KCNN2: variants seen among roughly 807,000 people sequenced by gnomAD.
The protein encoded by KCNN2 is potassium calcium-activated channel subfamily N member 2, also known as small conductance calcium-activated potassium channel protein 2.
KCNN2 carries 24 observed loss-of-function variants against 55.5 expected under a neutral mutation model. The observed-to-expected ratio is 0.43, with a 90% CI of 0.31 to 0.61. KCNN2 has a LOEUF of 0.61. Ranked by LOEUF, KCNN2 falls within the 20% of genes least tolerant of loss-of-function variation. The probability of loss-of-function intolerance (pLI) is 0.08; values close to 1 mark genes in which losing one functional copy is unlikely to be tolerated. For missense variants in KCNN2, 754 were observed against 853.6 expected (o/e 0.88, Z 1.45); for synonymous variants, 431 against 336.1 (o/e 1.28, Z -3.09).
At chr5:114,339,346 AT>A (rs1336291249) in intron 2 of KCNN2, among the ~76,000 whole-genome samples, 1 of 152,136 alleles carries the variant, frequency 6.6e-6, no homozygotes, top group Non-Finnish European at 1.5e-5. Context: ...TCAGTTTCTC[AT>A]GGTTCTGGCC....
chr5:114,239,035 TTGA>T (rs1195456110), intron 2 of KCNN2, among the ~76,000 whole-genome samples: 1 of 152,162 alleles, frequency 6.6e-6, no homozygotes, highest in Non-Finnish European at 1.5e-5. Flanking sequence ...AGTTTTTATG[TTGA>T]TGAGGATAGG....
chr5:114,089,940 T>C (rs943241892), intron 1 of KCNN2, among the ~76,000 whole-genome samples: 1 of 152,222 alleles, frequency 6.6e-6, no homozygotes, highest in Admixed American at 6.5e-5. Flanking sequence ...TTAATACTTT[T>C]ATTGTTTTAG....
chr5:114,104,410 G>A (rs1435001778), intron 1 of KCNN2, among the ~76,000 whole-genome samples: 2 of 152,054 alleles, frequency 1.3e-5, no homozygotes, highest in South Asian at 2.1e-4. Flanking sequence ...GGTCTTTCAT[G>A]TCTCTATCAG....
chr5:114,105,108 C>T (rs1398229329), intron 1 of KCNN2, among the ~76,000 whole-genome samples: 5 of 152,014 alleles, frequency 3.3e-5, no homozygotes, highest in African/African-American at 2.4e-5. Flanking sequence ...TCTATTACAG[C>T]GTATTCTCTG....
In KCNN2 at chr5:114,155,261, A is replaced by G. The variant is rs13164763; in HGVS notation, c.-270-66219A>G. Among the ~76,000 whole-genome samples, 371 of 152,096 alleles carry G rather than the reference A, an allele frequency of 2.4e-3. 1 individual carries two copies. The highest frequency in any genetic ancestry group is 3.8e-3 in the Non-Finnish European group (258 of 67,966). ...GCATAGTATTCTATGGTGTATATGT[A>G]CCACATTTTCTTTATCCAGTCTGTG... On this transcript the variant is annotated intron_variant, in intron 1 of 10. Coordinates refer to the KCNN2 transcript ENST00000512097.
intron 2 of KCNN2, among the ~76,000 whole-genome samples, chr5:114,354,707 A>T (rs1284988499): frequency 2.0e-5 from 3 of 152,168 alleles, no homozygotes; most frequent in Admixed American, 2.0e-4. Flanking sequence ...GTTTCAACTA[A>T]TTAAAACAGG....
intron 1 of KCNN2, among the ~76,000 whole-genome samples, chr5:114,077,959 T>C (rs189984157): frequency 6.6e-6 from 1 of 152,300 alleles, no homozygotes; most frequent in African/African-American, 2.4e-5. Flanking sequence ...ATTTTTGAAA[T>C]ATTCCCAAGC....
chr5:114,339,270 G>C (rs1385718058), intron 2 of KCNN2, among the ~76,000 whole-genome samples: 1 of 152,084 alleles, frequency 6.6e-6, no homozygotes, highest in East Asian at 1.9e-4. Context: ...AGAAAACCCC[G>C]GCCCCCTTTC....
chr5:114,432,713 G>A (rs886203629), intron 3 of KCNN2, among the ~76,000 whole-genome samples: 7 of 152,192 alleles, frequency 4.6e-5, no homozygotes, highest in Non-Finnish European at 8.8e-5. Context: ...GGGGCTGTGC[G>A]CGGCACTTGT....
intron 2 of KCNN2, among the ~76,000 whole-genome samples, chr5:114,344,222 T>C (rs1032110573): frequency 1.3e-5 from 2 of 152,158 alleles, no homozygotes; most frequent in African/African-American, 4.8e-5. Context: ...AGGAGCCCAG[T>C]CACCAAGACT....
At chr5:114,088,886 G>T (rs528432508) in intron 1 of KCNN2, among the ~76,000 whole-genome samples, 5 of 152,290 alleles carry the variant, frequency 3.3e-5, no homozygotes, top group African/African-American at 7.2e-5. Flanking sequence ...CTCCAAAAGC[G>T]CTGAGATTAC....
At chr5:114,398,192 A>G (rs1758677936) in intron 2 of KCNN2, among the ~76,000 whole-genome samples, 1 of 152,066 alleles carries the variant, frequency 6.6e-6, no homozygotes, top group South Asian at 2.1e-4. Flanking sequence ...ACCCATTTAG[A>G]ATTGATTTTT....
intron 1 of KCNN2, among the ~76,000 whole-genome samples, chr5:114,078,042 C>A (rs540759224): frequency 6.6e-6 from 1 of 152,096 alleles, no homozygotes; most frequent in Non-Finnish European, 1.5e-5. Flanking sequence ...TTGAGGAAAA[C>A]GATCAGTACA....
intron 1 of KCNN2, among the ~76,000 whole-genome samples, chr5:114,188,241 C>G (rs1412053469): frequency 2.0e-5 from 3 of 152,182 alleles, no homozygotes; most frequent in Non-Finnish European, 4.4e-5. Flanking sequence ...CTACCTAATC[C>G]TGGCTGTAAC....
intron 5 of KCNN2, among the ~76,000 whole-genome samples, chr5:114,474,426 A>G (rs1055610008): frequency 6.6e-6 from 1 of 152,156 alleles, no homozygotes; most frequent in Non-Finnish European, 1.5e-5. Context: ...CCACTTTGGA[A>G]TGTCTTCTAC....
chr5:114,347,721 C>T (rs73782204), intron 2 of KCNN2, among the ~76,000 whole-genome samples: 6,289 of 152,156 alleles, frequency 0.041, 447 homozygotes, highest in African/African-American at 0.14. Context: ...AAAAACATGA[C>T]CTTTACCTTG....
intron 1 of KCNN2, among the ~76,000 whole-genome samples, chr5:114,150,788 G>A (rs891799967): frequency 6.6e-6 from 1 of 152,184 alleles, no homozygotes; most frequent in African/African-American, 2.4e-5. Flanking sequence ...TTGGAAGGCT[G>A]AAGCAGGCAG....
chr5:114,192,442 C>T (rs1378767070), intron 1 of KCNN2, among the ~76,000 whole-genome samples: 1 of 152,044 alleles, frequency 6.6e-6, no homozygotes, highest in African/African-American at 2.4e-5. Flanking sequence ...CTTTTCCTTT[C>T]TTTTTTCTTG....
chr5:114,451,896 C>CAA (rs756263922), intron 3 of KCNN2, among the ~76,000 whole-genome samples: 22 of 94,008 alleles, frequency 2.3e-4, no homozygotes, highest in Admixed American at 1.2e-4. Context: ...GACACTGTCT[C>CAA]AAAAAAAAAA....
Sources: gnomAD v4.1 joint callset for allele counts (sites outside exome capture counted in the v4.1 genomes callset) on GRCh38, gnomAD v4.1.1 for gene constraint, MANE v1.5 for transcripts, NCBI Gene and HGNC (gene_info 2026-07-23, HGNC 2026-07-21) for gene names.